CNTN5: variants seen among roughly 807,000 people sequenced by gnomAD.
CNTN5 encodes the protein contactin 5, also known as contactin-5.
In CNTN5, 77 loss-of-function variants were observed where a neutral mutation model predicts 129.1. The ratio of observed to expected loss-of-function variants is 0.60; its 90% CI spans 0.50 to 0.72. The LOEUF (loss-of-function observed/expected upper bound fraction) is 0.72, where lower values mean the gene tolerates loss of function less well. Among genes scored for constraint, CNTN5 ranks in the 30% least tolerant of loss-of-function variants. The pLI is 0.00. For missense variants in CNTN5, 1,478 were observed against 1,328.8 expected, an observed-to-expected ratio of 1.11 and a Z score of -1.75; for synonymous variants, 509 against 465.6, an observed-to-expected ratio of 1.09 and a Z score of -1.20.
chr11:99,941,325 A>G (rs1807909962), intron 7 of CNTN5, among the ~76,000 whole-genome samples: 1 of 152,042 alleles, frequency 6.6e-6, no homozygotes, highest in Admixed American at 6.6e-5. Context: ...AAAGAGGTAA[A>G]CTTTACCCAA....
intron 1 of CNTN5, among the ~76,000 whole-genome samples, chr11:99,248,404 C>G (rs561899747): frequency 6.6e-6 from 1 of 152,210 alleles, no homozygotes; most frequent in Admixed American, 6.5e-5. Context: ...TTCTCCCTTT[C>G]TGTAGGTGGC....
chr11:100,291,854 G>A (rs955619016), intron 18 of CNTN5, among the ~76,000 whole-genome samples: 1 of 149,154 alleles, frequency 6.7e-6, no homozygotes, highest in Non-Finnish European at 1.5e-5. Flanking sequence ...AAACTCAAAC[G>A]CCAATAAATA....
chr11:99,869,591 A>G (rs1260158936), intron 6 of CNTN5, among the ~76,000 whole-genome samples: 1 of 152,146 alleles, frequency 6.6e-6, no homozygotes, highest in East Asian at 1.9e-4. Flanking sequence ...CTTCCGCTGT[A>G]TATTGTAAAT....
chr11:100,303,100 C>A (rs1951266075), intron 20 of CNTN5, among the ~76,000 whole-genome samples: 1 of 151,488 alleles, frequency 6.6e-6, no homozygotes, highest in South Asian at 2.1e-4. Context: ...CAGTGCCAAG[C>A]AGCATCTGAC....
At chr11:100,349,999 C>T (rs1952369906) in intron 23 of CNTN5, among the ~76,000 whole-genome samples, 1 of 151,760 alleles carries the variant, frequency 6.6e-6, no homozygotes, top group African/African-American at 2.4e-5. Flanking sequence ...GTTTTCCGTG[C>T]ATGTATGTTT....
At chr11:99,114,872 G>A (rs1446395802) in intron 1 of CNTN5, among the ~76,000 whole-genome samples, 1 of 152,168 alleles carries the variant, frequency 6.6e-6, no homozygotes, top group Non-Finnish European at 1.5e-5. Context: ...TCCCTGAAAC[G>A]TATATGTTAA....
intron 3 of CNTN5, among the ~76,000 whole-genome samples, chr11:99,718,382 G>T (rs1943055827): frequency 6.6e-6 from 1 of 152,118 alleles, no homozygotes; most frequent in Non-Finnish European, 1.5e-5. Context: ...CAGCATAACA[G>T]ATCCTGTTTT....
chr11:99,164,927 ATG>A (rs1489665130), intron 1 of CNTN5, among the ~76,000 whole-genome samples: 8 of 152,302 alleles, frequency 5.3e-5, no homozygotes, highest in South Asian at 4.1e-4. Flanking sequence ...TTGTGTGCAT[ATG>A]TGTGTGTATA....
chr11:99,857,623 G>T (rs1450734590), intron 6 of CNTN5, among the ~76,000 whole-genome samples: 1 of 151,976 alleles, frequency 6.6e-6, no homozygotes, highest in Admixed American at 6.6e-5. Context: ...TTTTAATGCA[G>T]TAATAATATT....
chr11:99,899,134 T>G (rs1456515591), intron 6 of CNTN5, among the ~76,000 whole-genome samples: 2 of 152,002 alleles, frequency 1.3e-5, no homozygotes, highest in African/African-American at 4.8e-5. Context: ...AGAAGAGTCT[T>G]TAGGGTTTTC....
intron 10 of CNTN5, among the ~76,000 whole-genome samples, chr11:100,063,129 T>A (rs1220903845): frequency 3.3e-5 from 5 of 152,128 alleles, no homozygotes; most frequent in Non-Finnish European, 7.4e-5. Flanking sequence ...TAGAATTAGA[T>A]TGTATGTTCT....
At chr11:99,158,226 G>A (rs574074882) in intron 1 of CNTN5, among the ~76,000 whole-genome samples, 70 of 152,072 alleles carry the variant, frequency 4.6e-4, no homozygotes, top group Non-Finnish European at 6.8e-4. Flanking sequence ...TTGACATTCC[G>A]CTCCTGAACT....
At chr11:99,780,467 G>A (rs767163336) in intron 3 of CNTN5, among the ~76,000 whole-genome samples, 8 of 151,846 alleles carry the variant, frequency 5.3e-5, no homozygotes, top group Non-Finnish European at 1.0e-4. Context: ...AATAAAGGTC[G>A]GGTTGAGAAT....
At chr11:100,090,315 C>T (rs930225056) in intron 13 of CNTN5, among the ~76,000 whole-genome samples, 49 of 152,076 alleles carry the variant, frequency 3.2e-4, no homozygotes, top group Non-Finnish European at 2.9e-4. Flanking sequence ...AATATCAGCA[C>T]TCCTCTTCAA....
chr11:99,708,916 T>C (rs1368611264), intron 3 of CNTN5, among the ~76,000 whole-genome samples: 1 of 151,836 alleles, frequency 6.6e-6, no homozygotes, highest in Non-Finnish European at 1.5e-5. Flanking sequence ...CTACACAGTT[T>C]AGAATTTACT....
At chr11:99,435,483 C>T (rs1405602639) in intron 2 of CNTN5, among the ~76,000 whole-genome samples, 1 of 152,170 alleles carries the variant, frequency 6.6e-6, no homozygotes, top group Non-Finnish European at 1.5e-5. Context: ...CTCACACCTA[C>T]TCCCTCTCTG....
intron 7 of CNTN5, among the ~76,000 whole-genome samples, chr11:99,950,732 T>G (rs1452249968): frequency 6.6e-6 from 1 of 152,240 alleles, no homozygotes; most frequent in Non-Finnish European, 1.5e-5. Flanking sequence ...TTCTTCATGT[T>G]GAACACTCAT....
At chr11:100,079,187 A>AGAT (rs1944263993) in intron 13 of CNTN5, among the ~76,000 whole-genome samples, 1 of 152,168 alleles carries the variant, frequency 6.6e-6, no homozygotes, top group Non-Finnish European at 1.5e-5. Flanking sequence ...TTATAATTCA[A>AGAT]GATGAGATTT....
chr11:99,889,849 G>A (rs1416613720), intron 6 of CNTN5, among the ~76,000 whole-genome samples: 2 of 152,128 alleles, frequency 1.3e-5, no homozygotes, highest in Middle Eastern at 3.2e-3. Flanking sequence ...GCCTGGTCTA[G>A]ACATTCTTAT....
Sources: gnomAD v4.1 joint callset for allele counts (sites outside exome capture counted in the v4.1 genomes callset) on GRCh38, gnomAD v4.1.1 for gene constraint, MANE v1.5 for transcripts, NCBI Gene and HGNC (gene_info 2026-07-23, HGNC 2026-07-21) for gene names.